Variants in SLC25A28 observed in about 807,000 individuals in gnomAD.
SLC25A28 encodes solute carrier family 25 member 28.
A neutral mutation model predicts 31.9 loss-of-function variants in SLC25A28; 10 were observed. The observed-to-expected ratio is 0.31, with a 90% CI of 0.19 to 0.53. The LOEUF (loss-of-function observed/expected upper bound fraction) is 0.53, where lower values mean the gene tolerates loss of function less well. SLC25A28 is among the 20% of genes least tolerant of loss of function. The pLI, the probability that SLC25A28 is intolerant of heterozygous loss-of-function variation, is 0.95. For missense variants in SLC25A28, 256 were observed against 490.3 expected, an observed-to-expected ratio of 0.52 and a Z score of 4.51; for synonymous variants, 208 against 203.6, an observed-to-expected ratio of 1.02 and a Z score of -0.19.
In SLC25A28 at chr10:99,613,558, G is replaced by A. The variant is rs1430893632; in HGVS notation, c.520+138C>T. 2.3e-5 allele frequency: 35 copies of A among 1,505,496 alleles called. No individual in the cohort carries two copies. The highest frequency in any genetic ancestry group is 3.1e-5 in the Non-Finnish European group (35 of 1,129,424). 93.3% of individuals were successfully genotyped at this position (1,505,496 alleles called of 1,614,324 possible). On this transcript the variant is annotated intron_variant, in intron 2 of 3. Transcript: ENST00000370495. The surrounding 1 kb of genome is among the most constrained non-coding windows in gnomAD (Gnocchi z 4.9). ...CCCGTTGTCTGAGAACATCAGGTTT[G>A]GAAGTCCCTCCCTTATAATCTGGCC...
the SLC25A28 span, among the ~76,000 whole-genome samples, chr10:99,639,324 G>A: frequency 6.5e-3 from 983 of 151,742 alleles, 11 homozygotes; most frequent in Middle Eastern, 0.027. Context: ...ATAGATTTTG[G>A]GGACTTGGGG....
At position 99,612,585 on chromosome 10, in the gene SLC25A28, C is replaced by T; in HGVS notation, c.535G>A (p.Val179Met). 6.2e-7 allele frequency: 1 copy of T among 1,614,190 alleles called. No individual in the cohort carries two copies. Among genetic ancestry groups the T allele is most frequent in the Non-Finnish European group, 8.5e-7 (1 of 1,180,050 alleles). The part of the protein sequence containing the change: ...SHIANGAAGC[V>M]ATLLHDAAMN... ...GCTGCATCATGAAGTAATGTTGCCA[C>T]ACACCCGGCCGCACCTGCAAACAAG... Residue 179 changes from valine (V) to methionine (M), a missense_variant, in exon 3 of 4, where the codon GTG becomes ATG. This residue lies in a region of SLC25A28 where 158 missense variants were observed against 379.1 expected (regional missense o/e 0.42). Transcript: ENST00000370495.
the SLC25A28 span, among the ~76,000 whole-genome samples, chr10:99,633,900 C>T: frequency 6.6e-6 from 1 of 152,136 alleles, no homozygotes; most frequent in Non-Finnish European, 1.5e-5. Context: ...GAGTCCATTT[C>T]ACCCCCCTGC....
chr10:99,620,033 T>G lies in SLC25A28; in HGVS notation c.291+12A>C. On this transcript the variant is annotated intron_variant, in intron 1 of 3. Coordinates refer to ENST00000370495, the MANE Select transcript of SLC25A28 (RefSeq NM_031212.4). Reference sequence around the variant, plus strand: ...GCCCCAGGTCGGGTTCGAAGCCGGGTGCAGGTCTCACCTTGACGCAGTCGA... The same window carrying G: ...GCCCCAGGTCGGGTTCGAAGCCGGGGGCAGGTCTCACCTTGACGCAGTCGA... 1 of 1,569,310 alleles carries G rather than the reference T, an allele frequency of 6.4e-7. No individual in the cohort carries two copies. Among genetic ancestry groups the G allele is most frequent in the East Asian group, 2.4e-5 (1 of 40,858 alleles).
the SLC25A28 span, among the ~76,000 whole-genome samples, chr10:99,654,763 C>G: frequency 6.6e-6 from 1 of 152,310 alleles, no homozygotes; most frequent in South Asian, 2.1e-4. Flanking sequence ...GAAATGGGCT[C>G]TTGCTATATT....
chr10:99,620,868 C>G, upstream of SLC25A28: 4 of 985,494 alleles, frequency 4.1e-6, no homozygotes, highest in South Asian at 4.7e-5. Context: ...GAGCTGCGGT[C>G]CCTGTGCGCG....
At chr10:99,612,672 G>C (rs1383078511) in intron 2 of SLC25A28, 73 bp from the exon 3 acceptor site, 1 of 1,536,356 alleles carries the variant, frequency 6.5e-7, no homozygotes, top group Non-Finnish European at 9.0e-7. Flanking sequence ...CCCCAGTGAA[G>C]GGGAGTGGCT....
chr10:99,616,787 G>A (rs2034666888), intron 1 of SLC25A28: 1 of 969,654 alleles, frequency 1.0e-6, no homozygotes, highest in Non-Finnish European at 1.2e-6. Context: ...CTTAAACTGT[G>A]TGACCTTGGA....
chr10:99,653,810 T>C, the SLC25A28 span: 6 of 152,334 alleles, frequency 3.9e-5, no homozygotes, highest in Non-Finnish European at 8.8e-5. Context: ...TTCCATCTTT[T>C]TGGACCAAAC....
intron 1 of SLC25A28, chr10:99,616,105 C>G: frequency 1.0e-6 from 1 of 985,328 alleles, no homozygotes; most frequent in Non-Finnish European, 1.2e-6. Flanking sequence ...CTGCCTTTTA[C>G]AGAAAGATGA....
chr10:99,615,415 A>T (rs2034626796), intron 1 of SLC25A28: 1 of 985,294 alleles, frequency 1.0e-6, no homozygotes, highest in Non-Finnish European at 1.2e-6. Flanking sequence ...TCCAAGAGTA[A>T]TACCTTTCCT....
the SLC25A28 span, among the ~76,000 whole-genome samples, chr10:99,651,644 G>A: frequency 7.3e-6 from 1 of 136,446 alleles, no homozygotes; most frequent in Non-Finnish European, 1.5e-5. Context: ...AGGCTGGAGT[G>A]CAGTGGCACA....
At chr10:99,644,429 CTCCATCCCTT>C in the SLC25A28 span, among the ~76,000 whole-genome samples, 3 of 152,276 alleles carry the variant, frequency 2.0e-5, no homozygotes, top group African/African-American at 7.2e-5. Context: ...ATAGATCTTC[CTCCATCCCTT>C]TATTTTGAGC....
chr10:99,645,807 A>G, the SLC25A28 span, among the ~76,000 whole-genome samples: 2 of 152,166 alleles, frequency 1.3e-5, no homozygotes, highest in East Asian at 3.9e-4. Context: ...TGGGTTTGTT[A>G]AAAGTTTGCT....
upstream of SLC25A28, chr10:99,620,875 C>T (rs975992330): frequency 6.1e-6 from 6 of 985,474 alleles, no homozygotes; most frequent in Middle Eastern, 5.2e-4. Context: ...GGTCCCTGTG[C>T]GCGGGATCGC....
At chr10:99,617,239 T>C in intron 1 of SLC25A28, 1 of 985,380 alleles carries the variant, frequency 1.0e-6, no homozygotes, top group Non-Finnish European at 1.2e-6. Flanking sequence ...AAAAGGAAAC[T>C]GGGATTTATC....
intron 1 of SLC25A28, chr10:99,615,648 A>G: frequency 1.0e-6 from 1 of 985,358 alleles, no homozygotes; most frequent in Non-Finnish European, 1.2e-6. Context: ...ATGTATTTCC[A>G]ATAAAGGGTT....
chr10:99,643,394 T>C, the SLC25A28 span, among the ~76,000 whole-genome samples: 1 of 152,184 alleles, frequency 6.6e-6, no homozygotes, highest in African/African-American at 2.4e-5. Context: ...TTTGTATTTC[T>C]GTGGGATCGG....
In SLC25A28 at chr10:99,618,832, G is replaced by A. The variant is rs1215297427; in HGVS notation, c.291+1213C>T. 14 of 985,374 alleles carry A rather than the reference G, an allele frequency of 1.4e-5. 1 individual carries two copies. The South Asian group carries it at 6.6e-4, about 46-fold the overall frequency. 61.0% of individuals were successfully genotyped at this position (985,374 alleles called of 1,614,324 possible). A position where few individuals can be genotyped will look rare whatever the true frequency, so the allele number is the denominator to read the frequency against. Reference sequence around the variant, plus strand: ...CATGAAACAGTACTGGAACCAAAGGGAAGTAAAAGGGATCTACTTTGCCTT... The same window carrying A: ...CATGAAACAGTACTGGAACCAAAGGAAAGTAAAAGGGATCTACTTTGCCTT... On this transcript the variant is annotated intron_variant, in intron 1 of 3. Coordinates refer to ENST00000370495, the MANE Select transcript of SLC25A28 (RefSeq NM_031212.4).
Sources: gnomAD v4.1 joint callset for allele counts (sites outside exome capture counted in the v4.1 genomes callset) on GRCh38, gnomAD v4.1.1 for gene constraint, gnomAD v4.1.1 regional missense constraint, Gnocchi (gnomAD v3.1) non-coding constraint, MANE v1.5 for transcripts, NCBI Gene and HGNC (gene_info 2026-07-23, HGNC 2026-07-21) for gene names.